Variants in EIF4ENIF1 observed in about 807,000 individuals in gnomAD.
The protein encoded by EIF4ENIF1 is eukaryotic translation initiation factor 4E transporter.
A neutral mutation model predicts 110.5 loss-of-function variants in EIF4ENIF1; 23 were observed. The ratio of observed to expected loss-of-function variants is 0.21; its 90% confidence interval spans 0.15 to 0.29. The LOEUF is 0.29. Among genes scored for constraint, EIF4ENIF1 ranks in the 10% least tolerant of loss-of-function variants. The pLI, the probability that EIF4ENIF1 is intolerant of heterozygous loss-of-function variation, is 1.00. For missense variants in EIF4ENIF1, 1,031 were observed against 1,221.1 expected (o/e 0.84, Z 2.32); for synonymous variants, 440 against 437.0 (o/e 1.01, Z -0.09).
intron 10 of EIF4ENIF1, chr22:31,450,895 A>G (rs571723913): frequency 5.0e-4 from 76 of 152,608 alleles, no homozygotes; most frequent in Non-Finnish European, 6.8e-4. Context: ...ACACACACAC[A>G]AAAGAGACAG....
chr22:31,460,566 T>C (rs2050958519), intron 6 of EIF4ENIF1, among the ~76,000 whole-genome samples: 1 of 151,794 alleles, frequency 6.6e-6, no homozygotes, highest in Admixed American at 6.6e-5. Context: ...GAGGCGGAGC[T>C]TGCAGTGAGC....
At chr22:31,463,577 C>T (rs2051068594) in intron 5 of EIF4ENIF1, 104 bp downstream of exon 5, 3 of 1,166,844 alleles carry the variant, frequency 2.6e-6, no homozygotes, top group African/African-American at 1.6e-5. Flanking sequence ...AGATACTGGG[C>T]TGAGGCAGCA....
chr22:31,440,748 G>A lies in EIF4ENIF1; in HGVS notation c.2672C>T (p.Thr891Ile). ...TTGCACCATTGCCAGATGCAGAGGTGTTCCAGGACGAGGGTTTAAGAGAGG... is the reference window on the plus strand; with the variant it reads ...TTGCACCATTGCCAGATGCAGAGGTATTCCAGGACGAGGGTTTAAGAGAGG... ...SHPLLNPRPG[T>I]PLHLAMVQQQ... Residue 891 changes from threonine (T) to isoleucine (I), a missense_variant, in exon 18 of 19, where the codon ACA becomes ATA. Transcript: ENST00000330125. 6.2e-7 allele frequency: 1 copy of A among 1,614,020 alleles called. No individual in the cohort carries two copies. Among genetic ancestry groups the A allele is most frequent in the Non-Finnish European group, 8.5e-7 (1 of 1,179,880 alleles).
intron 7 of EIF4ENIF1, among the ~76,000 whole-genome samples, chr22:31,456,413 C>CGGG (rs1015490424): frequency 6.6e-6 from 1 of 151,554 alleles, no homozygotes; most frequent in Non-Finnish European, 1.5e-5. Context: ...TTAGTAGAGA[C>CGGG]GGGGTTTTAC....
intron 10 of EIF4ENIF1, among the ~76,000 whole-genome samples, chr22:31,451,440 ATT>A (rs746661815): frequency 7.1e-6 from 1 of 141,680 alleles, no homozygotes; most frequent in Non-Finnish European, 1.5e-5. Context: ...CGCCCAGCTA[ATT>A]TTTTTTTTTT....
intron 11 of EIF4ENIF1, among the ~76,000 whole-genome samples, chr22:31,449,822 C>A (rs940102153): frequency 2.0e-5 from 3 of 151,360 alleles, no homozygotes; most frequent in African/African-American, 7.3e-5. Flanking sequence ...CCTCTGCCTA[C>A]CGGGTTCAAG....
At chr22:31,484,134 C>T (rs948649313) in intron 2 of EIF4ENIF1, among the ~76,000 whole-genome samples, 38 of 152,116 alleles carry the variant, frequency 2.5e-4, no homozygotes, top group African/African-American at 8.5e-4. Flanking sequence ...AGTCAGTGGA[C>T]CAGCAGCATG....
rs776800260 is a variant in EIF4ENIF1, at chr22:31,448,106, G to A, written c.1848+47C>T. 3 of 1,596,482 alleles carry A rather than the reference G, an allele frequency of 1.9e-6. No individual in the cohort carries two copies. In the South Asian group the frequency reaches 3.3e-5, roughly 18 times the overall value. On this transcript the variant is annotated intron_variant, in intron 13 of 18. Transcript: ENST00000330125. ...GCTCTCCACTCCCCATGCACCAAGA[G>A]GGTGAAGGGCAAGCAAGAGATTGAG...
chr22:31,446,541 T>G (rs2050485706), intron 14 of EIF4ENIF1, among the ~76,000 whole-genome samples: 1 of 152,170 alleles, frequency 6.6e-6, no homozygotes, highest in South Asian at 2.1e-4. Context: ...GTAGTAACTT[T>G]AAGAATCACA....
At chr22:31,485,741 T>C (rs945592817) in intron 2 of EIF4ENIF1, among the ~76,000 whole-genome samples, 2 of 151,146 alleles carry the variant, frequency 1.3e-5, no homozygotes, top group Non-Finnish European at 3.0e-5. Flanking sequence ...GAAGCGGAGG[T>C]TGCAGTGAGC....
rs2050308600 is a variant in EIF4ENIF1 at position 31,441,845 on chromosome 22, T to G, written c.2480A>C (p.His827Pro). The change falls in exon 17 of 19, where the codon CAC becomes CCC. Residue 827 changes from histidine to proline, a missense_variant. Physicochemically the swap from His to Pro is moderately conservative, Grantham distance 77 (BLOSUM62 -2). Transcript: ENST00000330125. ...CAGCATCCTCTGTACCAACCCTGGG[T>G]GAAGCTGGTGAGCAGGCCTAACCAT... ...VPMVRPAHQL[H>P]PGLVQRMLAQ... The G allele has an allele frequency of 3.7e-6, 6 of 1,614,054 alleles. No homozygotes were observed. The East Asian group carries it at 1.3e-4, about 36-fold the overall frequency.
chr22:31,442,965 C>T lies in EIF4ENIF1; in HGVS notation c.2203G>A (p.Glu735Lys), dbSNP rs878936843. Residue 735 changes from glutamate to lysine, a missense_variant, in exon 16 of 19, where the codon GAA becomes AAA. Glu to Lys is a moderately conservative substitution (Grantham distance 56). This residue lies in a region of EIF4ENIF1 where 309 missense variants were observed against 299.1 expected (regional missense o/e 1.03). Transcript: ENST00000330125. ...GCCCTTAACAGCTCTGCAGTACCTT[C>T]ACTGGCCTTCTGAGTATCCTCTTTA... ...DSKEDTQKAS[E>K]ENLLSSSSVP... 6.2e-7 allele frequency: 1 copy of T among 1,614,002 alleles called. No homozygotes were observed. Among genetic ancestry groups the T allele is most frequent in the Non-Finnish European group, 8.5e-7 (1 of 1,179,880 alleles).
At chr22:31,460,521 A>G (rs913614357) in intron 6 of EIF4ENIF1, among the ~76,000 whole-genome samples, 13 of 151,140 alleles carry the variant, frequency 8.6e-5, no homozygotes, top group African/African-American at 3.2e-4. Flanking sequence ...TAGTTCCGCT[A>G]CTCCGGAGGC....
intron 7 of EIF4ENIF1, among the ~76,000 whole-genome samples, chr22:31,456,450 C>G (rs967278079): frequency 3.0e-4 from 45 of 152,052 alleles, no homozygotes; most frequent in Non-Finnish European, 4.6e-4. Context: ...GTCTCGATCT[C>G]CTGACCTTGT....
At chr22:31,442,142 A>C (rs770946664) in intron 16 of EIF4ENIF1, 24 bp from the exon 17 acceptor site, 1 of 1,568,530 alleles carries the variant, frequency 6.4e-7, no homozygotes, top group Non-Finnish European at 8.7e-7. Flanking sequence ...AACAAAAAAT[A>C]TTTTGGCAAA....
upstream of EIF4ENIF1, among the ~76,000 whole-genome samples, chr22:31,491,498 G>A (rs370443640): frequency 2.6e-5 from 4 of 152,032 alleles, no homozygotes; most frequent in African/African-American, 9.7e-5. Context: ...TCATTTTTCC[G>A]AAAGGGATCG....
chr22:31,449,508 C>G lies in EIF4ENIF1; in HGVS notation c.1608G>C (p.Gln536His), dbSNP rs1415990580. Residue 536 changes from glutamine (Q) to histidine (H), a missense_variant, in exon 12 of 19, where the codon CAG (glutamine) becomes CAC (histidine). Gln to His is a conservative substitution (Grantham distance 24). Transcript: ENST00000330125. ...ILQELLGQPV[Q>H]RPASSNLLSG... ...TCAGAAGATTGGAAGAAGCAGGTCTCTGAACTGGTTGACCCAGAAGTTCCT... is the reference window on the plus strand; with the variant it reads ...TCAGAAGATTGGAAGAAGCAGGTCTGTGAACTGGTTGACCCAGAAGTTCCT... The G allele has an allele frequency of 6.2e-7, 1 of 1,613,576 alleles. No individual in the cohort carries two copies. Among genetic ancestry groups the G allele is most frequent in the East Asian group, 2.2e-5 (1 of 44,880 alleles).
intron 3 of EIF4ENIF1, among the ~76,000 whole-genome samples, chr22:31,470,969 G>A (rs2051355957): frequency 1.3e-5 from 2 of 149,526 alleles, no homozygotes; most frequent in South Asian, 2.1e-4. Flanking sequence ...CCCAGATCGC[G>A]CCAATGCACT....
In EIF4ENIF1 at chr22:31,439,538, A is replaced by T. The variant is rs1396655268; in HGVS notation, c.*342T>A. ...ATATGTATATACAAAAGTTGTTTAT[A>T]CACAGGTCTGTACATAAGGGTCTAT... On this transcript the variant is annotated 3_prime_UTR_variant, in exon 19 of 19. Transcript: ENST00000330125. 2 of 232,646 alleles carry T rather than the reference A, an allele frequency of 8.6e-6. No homozygotes were observed. The highest frequency in any genetic ancestry group is 5.0e-5 in the Admixed American group (1 of 19,908). 14.4% of individuals were successfully genotyped at this position (232,646 alleles called of 1,614,324 possible). A position where few individuals can be genotyped will look rare whatever the true frequency, so the allele number is the denominator to read the frequency against.
Sources: allele counts gnomAD v4.1 joint callset (sites outside exome capture counted in the v4.1 genomes callset), GRCh38; gene constraint gnomAD v4.1.1; regional missense constraint gnomAD v4.1.1; transcripts MANE v1.5; gene names NCBI Gene and HGNC (gene_info 2026-07-23, HGNC 2026-07-21).